The following MYO9A variants were observed in gnomAD, a reference collection of about 807,000 sequenced individuals.
MYO9A encodes unconventional myosin-IXa.
In MYO9A, 103 loss-of-function variants were observed where a neutral mutation model predicts 293.3. The observed-to-expected ratio is 0.35, with a 90% CI of 0.30 to 0.41. The LOEUF (loss-of-function observed/expected upper bound fraction) is 0.41, where lower values mean the gene tolerates loss of function less well. Among genes scored for constraint, MYO9A ranks in the 10% least tolerant of loss-of-function variants. The probability of loss-of-function intolerance (pLI) is 1.00; values close to 1 mark genes in which losing one functional copy is unlikely to be tolerated. For synonymous variants in MYO9A, 1,001 were observed against 1,035.7 expected (o/e 0.97, Z 0.64); for missense variants, 2,685 against 3,033.0 (o/e 0.89, Z 2.69).
At chr15:72,064,158 G>A (rs2078953730) in intron 1 of MYO9A, among the ~76,000 whole-genome samples, 1 of 152,166 alleles carries the variant, frequency 6.6e-6, no homozygotes, top group African/African-American at 2.4e-5. Context: ...GGTTATCAGA[G>A]GCTGGGAAGA....
chr15:71,862,462 G>A, intron 33 of MYO9A, 38 bp downstream of exon 33: 2 of 1,453,854 alleles, frequency 1.4e-6, no homozygotes, highest in African/African-American at 1.4e-5. Context: ...AGAAATGTCA[G>A]TGGTTAAAAA....
chr15:71,990,710 T>C (rs2076521780), intron 11 of MYO9A, among the ~76,000 whole-genome samples: 1 of 150,924 alleles, frequency 6.6e-6, no homozygotes. Flanking sequence ...TGAGCCGAGA[T>C]TGGGCCACTG....
chr15:71,999,887 C>G lies in MYO9A; in HGVS notation c.1434G>C (p.Val478=), dbSNP rs1175554039. 7.4e-6 allele frequency: 12 copies of G among 1,612,454 alleles called. No individual in the cohort carries two copies. Among genetic ancestry groups the G allele is most frequent in the Non-Finnish European group, 1.0e-5 (12 of 1,179,478 alleles). Reference sequence around the variant, plus strand: ...TGTATGGCAAAATAAGCTTTTCTCCCACTGTCACCGTCTTCCTTGTAACTA... The same window carrying G: ...TGTATGGCAAAATAAGCTTTTCTCCGACTGTCACCGTCTTCCTTGTAACTA... The part of the protein sequence containing the change: ...EALVTRKTVT[V]GEKLILPYKL... Residue 478 remains valine, a synonymous_variant, in exon 9 of 42, where the codon GTG becomes GTC. Coordinates refer to ENST00000356056, the MANE Select transcript of MYO9A (RefSeq NM_006901.4).
At chr15:71,963,152 C>T (rs949141034) in intron 13 of MYO9A, among the ~76,000 whole-genome samples, 3 of 151,356 alleles carry the variant, frequency 2.0e-5, no homozygotes, top group Non-Finnish European at 4.4e-5. Context: ...GGCACCATCT[C>T]AATTCACTGC....
At chr15:71,991,270 A>G in intron 10 of MYO9A, 33 bp from the exon 11 acceptor site, 24 of 1,507,632 alleles carry the variant, frequency 1.6e-5, no homozygotes, top group Non-Finnish European at 2.1e-5. Flanking sequence ...GATTAAAAGT[A>G]ATGTTTAAAT....
chr15:72,002,416 C>T (rs8025504), intron 8 of MYO9A, among the ~76,000 whole-genome samples: 31,960 of 151,938 alleles, frequency 0.21, 3,644 homozygotes, highest in East Asian at 0.41. Context: ...GTTGCCCAGG[C>T]GGGTCTTGAA....
At chr15:71,947,944 C>T (rs527894664) in intron 15 of MYO9A, among the ~76,000 whole-genome samples, 9 of 152,296 alleles carry the variant, frequency 5.9e-5, no homozygotes, top group African/African-American at 2.2e-4. Context: ...AGCTCATGCT[C>T]CCCAAAACTT....
intron 1 of MYO9A, among the ~76,000 whole-genome samples, chr15:72,069,794 G>T (rs1441028675): frequency 6.6e-6 from 1 of 150,518 alleles, no homozygotes; most frequent in Non-Finnish European, 1.5e-5. Flanking sequence ...TACCTCTTCT[G>T]ACTTTCAATT....
At chr15:72,070,157 G>A (rs1190395071) in intron 1 of MYO9A, among the ~76,000 whole-genome samples, 2 of 147,402 alleles carry the variant, frequency 1.4e-5, no homozygotes, top group South Asian at 4.3e-4. Context: ...AAGAATGAAC[G>A]TAGGCCCAGC....
chr15:71,910,182 A>ATATATATATATAT (rs1567260909), intron 19 of MYO9A, among the ~76,000 whole-genome samples: 1 of 145,738 alleles, frequency 6.9e-6, no homozygotes, highest in Non-Finnish European at 1.5e-5. Context: ...ATATATATAT[A>ATATATATATATAT]AAATCAGAAA....
chr15:71,864,445 G>C (rs552007857), intron 32 of MYO9A, among the ~76,000 whole-genome samples: 1 of 152,310 alleles, frequency 6.6e-6, no homozygotes, highest in East Asian at 1.9e-4. Flanking sequence ...TGGAAGCATA[G>C]AGTTGCCACT....
chr15:72,085,934 C>T (rs1306137688), intron 1 of MYO9A, among the ~76,000 whole-genome samples: 3 of 152,172 alleles, frequency 2.0e-5, no homozygotes. Flanking sequence ...AGATTACATG[C>T]TCTAAATCTG....
intron 15 of MYO9A, 91 bp downstream of exon 15, chr15:71,951,686 A>G (rs951568280): frequency 9.3e-6 from 14 of 1,507,820 alleles, no homozygotes; most frequent in Non-Finnish European, 1.2e-5. Context: ...TGTTGCCCAT[A>G]CAATCTATAT....
intron 11 of MYO9A, among the ~76,000 whole-genome samples, chr15:71,990,378 C>T (rs1482413323): frequency 6.6e-6 from 1 of 152,092 alleles, no homozygotes; most frequent in Non-Finnish European, 1.5e-5. Context: ...AGCCACCATG[C>T]CCAGCCAGCA....
chr15:71,825,331 A>G lies in MYO9A; in HGVS notation c.*1249T>C, dbSNP rs1464237464. On this transcript the variant is annotated 3_prime_UTR_variant, in exon 42 of 42. Coordinates refer to ENST00000356056, the MANE Select transcript of MYO9A (RefSeq NM_006901.4). ...GAAATTCCATGGGAAGGAGGGAAGC[A>G]CAAGGTTAAAAAGAAATATGCCTAC... 2.6e-5 allele frequency: 4 copies of G among 152,190 alleles called. No individual in the cohort carries two copies. The highest frequency in any genetic ancestry group is 2.6e-4 in the Admixed American group (4 of 15,266). 9.4% of individuals were successfully genotyped at this position (152,190 alleles called of 1,614,324 possible). A position where few individuals can be genotyped will look rare whatever the true frequency, so the allele number is the denominator to read the frequency against.
chr15:71,910,702 T>C (rs1047767540), intron 19 of MYO9A, among the ~76,000 whole-genome samples: 6 of 152,182 alleles, frequency 3.9e-5, no homozygotes, highest in Admixed American at 2.0e-4. Context: ...TTAATTGGCA[T>C]TTCCCTCATG....
chr15:72,110,884 G>A (rs577508477), intron 1 of MYO9A, among the ~76,000 whole-genome samples: 1 of 152,304 alleles, frequency 6.6e-6, no homozygotes, highest in African/African-American at 2.4e-5. Flanking sequence ...TTTCGGCCGG[G>A]CATGGTGGCT....
At position 72,007,872 on chromosome 15, in the gene MYO9A, T is replaced by C. The variant is rs2077060266; in HGVS notation, c.1334A>G (p.Asp445Gly). The change falls in exon 8 of 42, where the codon GAT (aspartate) becomes GGT (glycine). Residue 445 changes from aspartate (D) to glycine (G), a missense_variant. Asp to Gly is a moderately conservative substitution (Grantham distance 94, BLOSUM62 -1). This residue lies in a region of MYO9A where 289 missense variants were observed against 456.8 expected (regional missense o/e 0.63). Transcript: ENST00000356056. The part of the protein sequence containing the change: ...KKKTYRDDSI[D>G]ICNPEVLPIV... The stretch of plus-strand genomic sequence containing the variant: ...AGGCAGAACTTCAGGATTACAGATA[T>C]CAATGGAGTCATCCCGGTATGTCTT... The C allele has an allele frequency of 6.2e-7, 1 of 1,613,190 alleles. No homozygotes were observed. The highest frequency in any genetic ancestry group is 1.1e-5 in the South Asian group (1 of 91,024).
intron 15 of MYO9A, among the ~76,000 whole-genome samples, chr15:71,940,174 CCACAGAAGA>C (rs1182050384): frequency 2.6e-5 from 4 of 152,140 alleles, no homozygotes; most frequent in South Asian, 2.1e-4. Context: ...AACTGAAAAC[CCACAGAAGA>C]CTCTTTGTGC....
Sources: allele counts gnomAD v4.1 joint callset (sites outside exome capture counted in the v4.1 genomes callset), GRCh38; gene constraint gnomAD v4.1.1; regional missense constraint gnomAD v4.1.1; transcripts MANE v1.5; gene names NCBI Gene and HGNC (gene_info 2026-07-23, HGNC 2026-07-21).